ADRA1B: variants seen among roughly 807,000 people sequenced by gnomAD.
ADRA1B encodes adrenoceptor alpha 1B, also known as alpha-1B adrenergic receptor.
In ADRA1B, 17 loss-of-function variants were observed where a neutral mutation model predicts 17.9. That is an observed-to-expected ratio of 0.95 (90% confidence interval 0.65 to 1.42). ADRA1B has a LOEUF of 1.42. Among genes scored for constraint, ADRA1B ranks in the 40% most tolerant of loss-of-function variants. The probability of loss-of-function intolerance (pLI) is 0.00; values close to 1 mark genes in which losing one functional copy is unlikely to be tolerated. For missense variants in ADRA1B, 681 were observed against 722.1 expected (o/e 0.94, Z 0.65); for synonymous variants, 366 against 327.6 (o/e 1.12, Z -1.27).
chr5:159,886,773 T>C (rs925913845), intron 1 of ADRA1B, among the ~76,000 whole-genome samples: 1 of 152,090 alleles, frequency 6.6e-6, no homozygotes. Context: ...ATTAAGCAGA[T>C]ACGGATCTGA....
chr5:159,869,327 G>A (rs773804926), intron 1 of ADRA1B: 4 of 152,178 alleles, frequency 2.6e-5, no homozygotes, highest in Admixed American at 6.5e-5. Flanking sequence ...AGATATAGCT[G>A]GAACATAGGC....
intron 1 of ADRA1B, among the ~76,000 whole-genome samples, chr5:159,903,803 C>A (rs1349250804): frequency 6.6e-6 from 1 of 152,122 alleles, no homozygotes; most frequent in East Asian, 1.9e-4. Flanking sequence ...TACTCCTTGG[C>A]TCTGATTGGG....
Position 159,960,174 on chromosome 5 carries a change from G to A in ADRA1B, c.950-11705G>A, listed in dbSNP as rs78978575. 8.4e-3 allele frequency among the ~76,000 whole-genome samples: 1,281 copies of A among 152,318 alleles called. 21 individuals are homozygous for A. The highest frequency in any genetic ancestry group is 0.029 in the African/African-American group (1,196 of 41,570). ...CTGCCTTCTGCTTTCACACTTCAGA[G>A]GAAAGTGGTTATGAGAAGAAAGAAT... On this transcript the variant is annotated intron_variant, in intron 1 of 1. Transcript: ENST00000306675.
intron 1 of ADRA1B, among the ~76,000 whole-genome samples, chr5:159,950,017 C>G (rs1755383630): frequency 6.6e-6 from 1 of 152,202 alleles, no homozygotes; most frequent in Non-Finnish European, 1.5e-5. Context: ...CAGGGCCTCG[C>G]CTGTCCATCT....
Position 159,920,918 on chromosome 5 carries a change from AG to A in ADRA1B, c.949+3067del, listed in dbSNP as rs532867158. Reference sequence around the variant, plus strand: ...TGTGGGGGAGGACTGTGTTTGGCAAAGGGAGAAGTGCAGGTAGGAGCAACTT... The same window carrying A: ...TGTGGGGGAGGACTGTGTTTGGCAAAGGAGAAGTGCAGGTAGGAGCAACTT... On this transcript the variant is annotated intron_variant, in intron 1 of 1. Coordinates refer to ENST00000306675, the MANE Select transcript of ADRA1B (RefSeq NM_000679.4). 2.7e-3 allele frequency among the ~76,000 whole-genome samples: 411 copies of A among 152,316 alleles called. 2 individuals are homozygous for A. Among genetic ancestry groups the A allele is most frequent in the African/African-American group, 9.6e-3 (401 of 41,574 alleles).
Position 159,971,771 on chromosome 5 carries a change from AG to A in ADRA1B, c.950-106del, listed in dbSNP as rs566667350. 3.7e-5 allele frequency: 43 copies of A among 1,173,052 alleles called. No homozygotes were observed. In the South Asian group the frequency reaches 1.4e-3, roughly 37 times the overall value. The allele number at this position is 1,173,052 out of a possible 1,614,324, so 72.7% of individuals were successfully genotyped here. ...CCGGCTCGGGGAAAGGCCTGGCGGC[AG>A]GAACGCTGCAGGTTGACAATGTTGA... On this transcript the variant is annotated intron_variant, in intron 1 of 1. Coordinates refer to ENST00000306675, the MANE Select transcript of ADRA1B (RefSeq NM_000679.4).
intron 1 of ADRA1B, among the ~76,000 whole-genome samples, chr5:159,937,137 C>T (rs1754976333): frequency 6.6e-6 from 1 of 152,190 alleles, no homozygotes; most frequent in South Asian, 2.1e-4. Flanking sequence ...CTAATAAGAA[C>T]AGACCTGAAG....
At chr5:159,979,571 T>C in the ADRA1B span, among the ~76,000 whole-genome samples, 3 of 151,888 alleles carry the variant, frequency 2.0e-5, no homozygotes, top group Admixed American at 2.0e-4. Flanking sequence ...CTGAGATGGG[T>C]CTAAAAGATG....
chr5:159,881,086 A>G (rs1581018328), intron 1 of ADRA1B, among the ~76,000 whole-genome samples: 1 of 148,186 alleles, frequency 6.7e-6, no homozygotes, highest in East Asian at 2.1e-4. Flanking sequence ...AGGCAGGAGA[A>G]TGGCGTGAAC....
At chr5:159,891,930 C>T (rs1753987481) in intron 1 of ADRA1B, among the ~76,000 whole-genome samples, 2 of 152,158 alleles carry the variant, frequency 1.3e-5, no homozygotes, top group Non-Finnish European at 2.9e-5. Flanking sequence ...AGGGGTTCCT[C>T]GTGATAAATG....
At chr5:159,979,548 G>T in the ADRA1B span, among the ~76,000 whole-genome samples, 1 of 152,080 alleles carries the variant, frequency 6.6e-6, no homozygotes, top group Non-Finnish European at 1.5e-5. Context: ...AGACTTCATG[G>T]AGGAAGTGGC....
chr5:159,988,455 T>C, the ADRA1B span, among the ~76,000 whole-genome samples: 2 of 152,204 alleles, frequency 1.3e-5, no homozygotes, highest in African/African-American at 4.8e-5. Context: ...AATATGCATC[T>C]CAGCAGGTGT....
intron 1 of ADRA1B, among the ~76,000 whole-genome samples, chr5:159,954,637 G>A (rs1209996465): frequency 6.6e-6 from 1 of 152,146 alleles, no homozygotes; most frequent in African/African-American, 2.4e-5. Flanking sequence ...CCACAAGGAA[G>A]GTAGTGTCCC....
the ADRA1B span, among the ~76,000 whole-genome samples, chr5:159,980,048 A>G: frequency 3.9e-5 from 6 of 151,934 alleles, no homozygotes; most frequent in Admixed American, 3.3e-4. Context: ...GATTTGCCAT[A>G]GAAGAGGGAA....
chr5:159,897,422 G>A (rs1754051168), intron 1 of ADRA1B, among the ~76,000 whole-genome samples: 1 of 152,030 alleles, frequency 6.6e-6, no homozygotes, highest in Non-Finnish European at 1.5e-5. Flanking sequence ...GGCAGCAGAG[G>A]TTGCAGTGAG....
In ADRA1B at chr5:159,879,926, G is replaced by T. The variant is rs556985325; in HGVS notation, c.-256+14720G>T. On this transcript the variant is annotated intron_variant, in intron 1 of 2. Coordinates refer to the ADRA1B transcript ENST00000641205. ...CAGAAGAATCGCATGAACCTGGGAG[G>T]AGGAGGTTGCAGTGAACTGAGATCG... Among the ~76,000 whole-genome samples, 7 of 152,222 alleles carry T rather than the reference G, an allele frequency of 4.6e-5. No homozygotes were observed. The South Asian group carries it at 1.5e-3, about 32-fold the overall frequency.
intron 1 of ADRA1B, chr5:159,950,930 A>G: frequency 1.8e-6 from 1 of 568,344 alleles, no homozygotes; most frequent in South Asian, 1.7e-5. Flanking sequence ...TTTCCCAGAG[A>G]GGCCATCCAC....
At chr5:159,953,287 G>A (rs1422347746) in intron 1 of ADRA1B, among the ~76,000 whole-genome samples, 3 of 152,194 alleles carry the variant, frequency 2.0e-5, no homozygotes, top group Admixed American at 2.0e-4. Context: ...TTGAACCTGG[G>A]AGGCAGAGTT....
chr5:159,953,488 A>T (rs1235891717), intron 1 of ADRA1B, among the ~76,000 whole-genome samples: 2 of 152,118 alleles, frequency 1.3e-5, no homozygotes, highest in African/African-American at 4.8e-5. Context: ...AGACACCCCC[A>T]CACTGAGTGT....
Sources: gnomAD v4.1 joint callset for allele counts (sites outside exome capture counted in the v4.1 genomes callset) on GRCh38, gnomAD v4.1.1 for gene constraint, MANE v1.5 for transcripts, NCBI Gene and HGNC (gene_info 2026-07-23, HGNC 2026-07-21) for gene names.